CDH18: variants seen among roughly 807,000 people sequenced by gnomAD.
CDH18 encodes the protein cadherin-18.
Under a neutral mutation model 67.9 loss-of-function variants are expected in CDH18, and 31 were observed. The observed-to-expected ratio is 0.46, with a 90% confidence interval of 0.34 to 0.62. CDH18 has a LOEUF of 0.62. Ranked by LOEUF, CDH18 falls within the 20% of genes least tolerant of loss-of-function variation. CDH18 has a pLI of 0.01. For synonymous variants in CDH18, 362 were observed against 347.2 expected (o/e 1.04, Z -0.48); for missense variants, 890 against 975.5 (o/e 0.91, Z 1.17).
At chr5:20,463,014 T>C (rs1411394660) in intron 1 of CDH18, among the ~76,000 whole-genome samples, 1 of 152,178 alleles carries the variant, frequency 6.6e-6, no homozygotes, top group Non-Finnish European at 1.5e-5. Context: ...TAAAACATAG[T>C]TGAGAAAATA....
At chr5:19,708,866 C>A (rs988577516) in intron 5 of CDH18, among the ~76,000 whole-genome samples, 1 of 152,130 alleles carries the variant, frequency 6.6e-6, no homozygotes, top group Non-Finnish European at 1.5e-5. Context: ...CCACTCCCCA[C>A]TGTATATTTC....
At chr5:20,316,732 GAA>G (rs1737500810) in intron 1 of CDH18, among the ~76,000 whole-genome samples, 2 of 151,878 alleles carry the variant, frequency 1.3e-5, no homozygotes, top group East Asian at 3.9e-4. Context: ...TATAGAAGGG[GAA>G]AAAGGAGAGT....
chr5:19,549,845 G>A (rs993720669), intron 8 of CDH18, among the ~76,000 whole-genome samples: 58 of 152,024 alleles, frequency 3.8e-4, no homozygotes, highest in African/African-American at 1.3e-3. Flanking sequence ...ACAGGTAACT[G>A]ATTATAATGA....
intron 3 of CDH18, among the ~76,000 whole-genome samples, chr5:19,833,410 G>A (rs996595418): frequency 1.3e-5 from 2 of 152,056 alleles, no homozygotes; most frequent in African/African-American, 4.8e-5. Flanking sequence ...CCAGCTTAAG[G>A]AAATTTTGGG....
At chr5:20,481,247 T>C (rs1445028701) in intron 1 of CDH18, among the ~76,000 whole-genome samples, 1 of 151,504 alleles carries the variant, frequency 6.6e-6, no homozygotes, top group Non-Finnish European at 1.5e-5. Flanking sequence ...CAGATCATTA[T>C]ATTATGATAA....
chr5:19,973,729 T>G (rs1798241306), intron 2 of CDH18, among the ~76,000 whole-genome samples: 1 of 152,156 alleles, frequency 6.6e-6, no homozygotes, highest in Non-Finnish European at 1.5e-5. Context: ...ACAAGCCAGT[T>G]CAACTGCTTA....
chr5:19,708,833 G>C (rs1272524640), intron 5 of CDH18, among the ~76,000 whole-genome samples: 1 of 152,000 alleles, frequency 6.6e-6, no homozygotes, highest in East Asian at 1.9e-4. Context: ...TCTCAGCTCT[G>C]AAGGCTGTCA....
At chr5:20,548,048 G>A (rs1234597607) in intron 1 of CDH18, among the ~76,000 whole-genome samples, 3 of 115,312 alleles carry the variant, frequency 2.6e-5, no homozygotes, top group Non-Finnish European at 5.8e-5. Flanking sequence ...CATGCTTTAA[G>A]ACTAAAAAAA....
At chr5:19,960,340 C>T (rs908544492) in intron 2 of CDH18, among the ~76,000 whole-genome samples, 2 of 151,668 alleles carry the variant, frequency 1.3e-5, no homozygotes, top group Non-Finnish European at 2.9e-5. Flanking sequence ...ACTTTTTAAA[C>T]ATTTTTGTTA....
At chr5:19,483,632 G>A in intron 11 of CDH18, 80 bp from the exon 12 acceptor site, 3 of 1,396,540 alleles carry the variant, frequency 2.1e-6, no homozygotes, top group Admixed American at 2.2e-5. Flanking sequence ...TGGATAAAAT[G>A]GGGATGTGTA....
intron 2 of CDH18, among the ~76,000 whole-genome samples, chr5:20,198,374 G>A (rs1350403289): frequency 1.3e-5 from 2 of 152,132 alleles, no homozygotes; most frequent in East Asian, 3.9e-4. Flanking sequence ...AGATGAAGAT[G>A]AGGAACTTGT....
chr5:19,980,343 T>C (rs1349206757), intron 2 of CDH18, among the ~76,000 whole-genome samples: 1 of 151,970 alleles, frequency 6.6e-6, no homozygotes, highest in Non-Finnish European at 1.5e-5. Context: ...TATAGAATGA[T>C]TTACATAAAT....
chr5:20,300,826 A>G (rs1580701295), intron 1 of CDH18, among the ~76,000 whole-genome samples: 1 of 152,358 alleles, frequency 6.6e-6, no homozygotes, highest in South Asian at 2.1e-4. Flanking sequence ...TAGTTTGAAC[A>G]AGTCAACTTA....
At chr5:19,811,087 A>T (rs950010839) in intron 3 of CDH18, among the ~76,000 whole-genome samples, 1 of 23,772 alleles carries the variant, frequency 4.2e-5, no homozygotes, top group South Asian at 1.3e-3. Context: ...AAAAAGAAAG[A>T]AAGAAAGAAA....
chr5:19,752,511 C>T (rs1770984979), intron 3 of CDH18, among the ~76,000 whole-genome samples: 1 of 152,136 alleles, frequency 6.6e-6, no homozygotes, highest in Admixed American at 6.5e-5. Flanking sequence ...TCCCCCACAG[C>T]AGTGGCAGCA....
chr5:20,140,118 C>T (rs1048863514), intron 2 of CDH18, among the ~76,000 whole-genome samples: 5 of 152,170 alleles, frequency 3.3e-5, no homozygotes, highest in Non-Finnish European at 7.3e-5. Flanking sequence ...CACATATACA[C>T]TATGGATTAC....
chr5:19,690,771 A>AT (rs35415716), intron 5 of CDH18, among the ~76,000 whole-genome samples: 12,930 of 151,862 alleles, frequency 0.085, 1,768 homozygotes, highest in African/African-American at 0.29. Context: ...AATTAACAAG[A>AT]TTGAATCAGC....
intron 1 of CDH18, among the ~76,000 whole-genome samples, chr5:20,375,814 T>C (rs1367332323): frequency 6.6e-6 from 1 of 152,102 alleles, no homozygotes; most frequent in Non-Finnish European, 1.5e-5. Flanking sequence ...CCAAGAGAAG[T>C]ATTCTGCATT....
Position 20,545,286 on chromosome 5 carries a change from G to T in CDH18, c.-580+30176C>A, listed in dbSNP as rs1757278455. On this transcript the variant is annotated intron_variant, in intron 1 of 14. Coordinates refer to the CDH18 transcript ENST00000507958. ...AAGTTGTCATTGGATATACATTTCT[G>T]GGGTCTGGAGAATGGTGGGCCTCTT... Among the ~76,000 whole-genome samples the T allele has an allele frequency of 3.9e-5, 6 of 152,142 alleles. No homozygotes were observed. The South Asian group carries it at 1.2e-3, about 31-fold the overall frequency.
Sources: gnomAD v4.1 joint callset for allele counts (sites outside exome capture counted in the v4.1 genomes callset) on GRCh38, gnomAD v4.1.1 for gene constraint, MANE v1.5 for transcripts, NCBI Gene and HGNC (gene_info 2026-07-23, HGNC 2026-07-21) for gene names.